C3orf22: variants seen among roughly 807,000 people sequenced by gnomAD.
C3orf22 encodes uncharacterized protein C3orf22.
Under a neutral mutation model 10.8 loss-of-function variants are expected in C3orf22, and 7 were observed. That is an observed-to-expected ratio of 0.65 (90% CI 0.37 to 1.22). C3orf22 has a LOEUF of 1.22. Ranked by LOEUF, C3orf22 falls within the 50% of genes most tolerant of loss-of-function variation. The pLI is 0.02. For synonymous variants in C3orf22, 79 were observed against 78.9 expected (o/e 1.00, Z 0.00); for missense variants, 173 against 177.0 (o/e 0.98, Z 0.13).
intron 4 of C3orf22, chr3:126,529,502 G>GA (rs1936605698): frequency 1.3e-6 from 1 of 745,372 alleles, no homozygotes; most frequent in Non-Finnish European, 1.9e-6. Context: ...GCACAGCAAG[G>GA]AAGCTGTGAG....
intron 4 of C3orf22, chr3:126,536,342 G>A: frequency 6.2e-7 from 1 of 1,613,774 alleles, no homozygotes; most frequent in South Asian, 1.1e-5. Flanking sequence ...GAAGCTCTAT[G>A]ACCTGGATCA....
intron 4 of C3orf22, among the ~76,000 whole-genome samples, chr3:126,531,466 TG>T (rs772221274): frequency 6.6e-6 from 1 of 152,266 alleles, no homozygotes; most frequent in Non-Finnish European, 1.5e-5. Flanking sequence ...CACATGTACC[TG>T]AATTCTTGAA....
chr3:126,529,747 C>T (rs906834381), intron 4 of C3orf22, among the ~76,000 whole-genome samples: 6 of 152,180 alleles, frequency 3.9e-5, no homozygotes, highest in African/African-American at 1.4e-4. Context: ...GCACTCCTCC[C>T]ATCCCTCCTC....
chr3:126,547,857 A>T (rs1450450917), downstream of C3orf22, among the ~76,000 whole-genome samples: 1 of 152,202 alleles, frequency 6.6e-6, no homozygotes, highest in Non-Finnish European at 1.5e-5. Context: ...CAAAGTGGAA[A>T]CAACCCAGAC....
chr3:126,538,128 G>A (rs1936837383), intron 4 of C3orf22, among the ~76,000 whole-genome samples: 1 of 152,220 alleles, frequency 6.6e-6, no homozygotes, highest in African/African-American at 2.4e-5. Flanking sequence ...GGGTATTCAT[G>A]TGCCTATGAG....
chr3:126,529,449 G>A (rs894365107), intron 4 of C3orf22: 4 of 1,217,048 alleles, frequency 3.3e-6, no homozygotes, highest in South Asian at 2.6e-5. Context: ...TGTTAAGGGT[G>A]CAGATGCTGG....
intron 4 of C3orf22, among the ~76,000 whole-genome samples, chr3:126,538,684 C>G (rs868842002): frequency 6.6e-6 from 1 of 152,186 alleles, no homozygotes; most frequent in Non-Finnish European, 1.5e-5. Flanking sequence ...CACAGCCTCT[C>G]CTGGCACCAT....
At chr3:126,540,029 G>T (rs957297256) in intron 4 of C3orf22, among the ~76,000 whole-genome samples, 6 of 123,696 alleles carry the variant, frequency 4.9e-5, no homozygotes, top group Non-Finnish European at 8.8e-5. Flanking sequence ...CCACACACAC[G>T]CACACCACAC....
intron 4 of C3orf22, chr3:126,542,373 C>T (rs1167136138): frequency 3.2e-6 from 5 of 1,559,838 alleles, no homozygotes; most frequent in Non-Finnish European, 3.5e-6. Context: ...GCGGAGGACG[C>T]GGCCTTCGTG....
At chr3:126,541,757 G>C (rs752479972) in intron 4 of C3orf22, 1 of 1,507,212 alleles carries the variant, frequency 6.6e-7, no homozygotes, top group Non-Finnish European at 8.9e-7. Flanking sequence ...CCTGGCGAAG[G>C]TGCACCGGCA....
chr3:126,542,267 C>T, intron 4 of C3orf22: 1 of 1,557,406 alleles, frequency 6.4e-7, no homozygotes, highest in South Asian at 1.2e-5. Flanking sequence ...GCGCACGCGG[C>T]GTGAGGAGCC....
chr3:126,542,596 T>C, intron 4 of C3orf22: 1 of 1,456,440 alleles, frequency 6.9e-7, no homozygotes, highest in Admixed American at 2.8e-5. Context: ...GGAGGTCCTG[T>C]GGCCACGCGG....
chr3:126,558,006 GGTGCA>G (rs372120954), intron 1 of C3orf22, among the ~76,000 whole-genome samples: 1 of 1,034 alleles, frequency 9.7e-4, no homozygotes, highest in Admixed American at 0.012. Context: ...CTTCCTGTCA[GGTGCA>G]CTTGGGTGAG....
chr3:126,536,553 CACCT>C (rs756633493), intron 4 of C3orf22, among the ~76,000 whole-genome samples: 25 of 152,258 alleles, frequency 1.6e-4, no homozygotes, highest in Non-Finnish European at 3.4e-4. Context: ...AGTCTCTACC[CACCT>C]ATCTTCCCAT....
intron 4 of C3orf22, chr3:126,542,735 C>A: frequency 8.5e-7 from 1 of 1,172,294 alleles, no homozygotes; most frequent in Non-Finnish European, 1.1e-6. Flanking sequence ...CCTGGCCAGG[C>A]TTGGGGGCAG....
At position 126,558,274 on chromosome 3, in the gene C3orf22, C is replaced by T. The variant is rs114771897; in HGVS notation, c.-41+353G>A. 4.7e-3 allele frequency among the ~76,000 whole-genome samples: 718 copies of T among 152,296 alleles called. 15 individuals are homozygous for T. Among genetic ancestry groups the T allele is most frequent in the African/African-American group, 0.016 (667 of 41,560 alleles). ...ATTTGCCTGCATTCACACAGTGAGTCGGGGAAGAGGTTCAGGATGGGTGGC... is the reference window on the plus strand; with the variant it reads ...ATTTGCCTGCATTCACACAGTGAGTTGGGGAAGAGGTTCAGGATGGGTGGC... On this transcript the variant is annotated intron_variant, in intron 1 of 3. Coordinates refer to ENST00000318225, the MANE Select transcript of C3orf22 (RefSeq NM_152533.3).
chr3:126,549,976 C>T lies in C3orf22; in HGVS notation c.318G>A (p.Leu106=), dbSNP rs972629278. The change falls in exon 4 of 4, where the codon CTG becomes CTA. Residue 106 remains leucine (L), a synonymous_variant. Transcript: ENST00000318225. ...PLCNLWELKL[L]SRRFPRQLAF... ...CGAGTTGTCTGGGGAAGCGGCGACT[C>T]AGCAACTTGAGTTCCCAAAGGTTGC... 5 of 1,614,004 alleles carry T rather than the reference C, an allele frequency of 3.1e-6. No homozygotes were observed. Among genetic ancestry groups the T allele is most frequent in the Non-Finnish European group, 4.2e-6 (5 of 1,180,042 alleles).
intron 3 of C3orf22, among the ~76,000 whole-genome samples, chr3:126,550,997 C>T (rs536976734): frequency 2.6e-5 from 4 of 152,350 alleles, no homozygotes; most frequent in African/African-American, 9.6e-5. Context: ...TGCTTCAGCT[C>T]GGCGATGTGG....
intron 4 of C3orf22, among the ~76,000 whole-genome samples, chr3:126,536,950 A>G (rs1369905661): frequency 6.6e-6 from 1 of 151,794 alleles, no homozygotes; most frequent in Non-Finnish European, 1.5e-5. Flanking sequence ...ACTTATTCGG[A>G]CAGCACATAT....
Sources: gnomAD v4.1 joint callset for allele counts (sites outside exome capture counted in the v4.1 genomes callset) on GRCh38, gnomAD v4.1.1 for gene constraint, MANE v1.5 for transcripts, NCBI Gene and HGNC (gene_info 2026-07-23, HGNC 2026-07-21) for gene names.